The following FRY variants were observed in gnomAD, a reference collection of about 807,000 sequenced individuals.
FRY encodes the protein protein furry homolog.
Under a neutral mutation model 348.4 loss-of-function variants are expected in FRY, and 128 were observed. That is an observed-to-expected ratio of 0.37 (90% CI 0.32 to 0.43). The LOEUF is 0.43. FRY is among the 20% of genes least tolerant of loss of function. The pLI, the probability that FRY is intolerant of heterozygous loss-of-function variation, is 1.00. For missense variants in FRY, 2,736 were observed against 3,695.2 expected, an observed-to-expected ratio of 0.74 and a Z score of 6.73; for synonymous variants, 1,370 against 1,374.7, an observed-to-expected ratio of 1.00 and a Z score of 0.08.
At chr13:32,279,252 C>T (rs1379340211) in intron 58 of FRY, among the ~76,000 whole-genome samples, 2 of 152,180 alleles carry the variant, frequency 1.3e-5, no homozygotes, top group Admixed American at 6.5e-5. Context: ...ATGGGGAGGG[C>T]GGCTCTGGGA....
At chr13:32,205,557 C>T (rs778526253) in intron 31 of FRY, among the ~76,000 whole-genome samples, 1 of 152,178 alleles carries the variant, frequency 6.6e-6, no homozygotes. Flanking sequence ...TAGAGATGGT[C>T]GTGGGCAGAT....
rs1475555902 is a variant in FRY, at chr13:32,267,083, G to T, written c.7947-87G>T. The T allele has an allele frequency of 2.5e-5, 31 of 1,222,046 alleles. No individual in the cohort carries two copies. In the East Asian group the frequency reaches 5.8e-4, roughly 23 times the overall value. The allele number at this position is 1,222,046 out of a possible 1,614,324, so 75.7% of individuals were successfully genotyped here. ...GTGGGTAGAATAGCTACCTCATTTT[G>T]CTGACTCTCAGGGTGAGAATTTATA... is the stretch of plus-strand genomic sequence containing the variant. On this transcript the variant is annotated intron_variant, in intron 54 of 60. Coordinates refer to ENST00000542859, the MANE Select transcript of FRY (RefSeq NM_023037.3).
In FRY at chr13:32,208,896, G is replaced by T. The variant is rs1485357501; in HGVS notation, c.4062G>T (p.Gln1354His). Residue 1354 changes from glutamine (Q) to histidine (H), a missense_variant, in exon 32 of 61, where the codon CAG becomes CAT. Transcript: ENST00000542859. ...RFPTTHPNGRQIMLTYLLPWL... is the reference protein window; with the variant it reads ...RFPTTHPNGRHIMLTYLLPWL... ...CCACAACACACCCCAACGGGCGCCA[G>T]ATCATGCTTACCTACCTGCTGCCCT... The T allele has an allele frequency of 6.2e-7, 1 of 1,614,204 alleles. No individual in the cohort carries two copies. The highest frequency in any genetic ancestry group is 1.1e-5 in the South Asian group (1 of 91,092).
intron 14 of FRY, among the ~76,000 whole-genome samples, chr13:32,153,965 G>A (rs1267511585): frequency 1.3e-5 from 2 of 152,144 alleles, no homozygotes; most frequent in Admixed American, 1.3e-4. Flanking sequence ...CAAAATGTGT[G>A]TACCAAACTA....
At chr13:32,206,864 A>G (rs1240675779) in intron 31 of FRY, among the ~76,000 whole-genome samples, 3 of 152,222 alleles carry the variant, frequency 2.0e-5, no homozygotes, top group Non-Finnish European at 2.9e-5. Context: ...CAAGTGACCT[A>G]ATTATTGTAA....
At chr13:32,054,910 G>A (rs1873540947) in intron 1 of FRY, among the ~76,000 whole-genome samples, 2 of 152,052 alleles carry the variant, frequency 1.3e-5, no homozygotes, top group African/African-American at 4.8e-5. Flanking sequence ...GAAAATAAAA[G>A]ATAAGAAACC....
chr13:32,127,649 C>G lies in FRY; in HGVS notation c.716+2774C>G, dbSNP rs533001806. On this transcript the variant is annotated intron_variant, in intron 7 of 60. Coordinates refer to ENST00000542859, the MANE Select transcript of FRY (RefSeq NM_023037.3). ...AAAATATTAGCTGGGAGTGGTGGCA[C>G]GCACCTGTAATCCCAGCTACTCAGG... Among the ~76,000 whole-genome samples the G allele has an allele frequency of 2.5e-4, 38 of 151,984 alleles. No individual in the cohort carries two copies. The East Asian group carries it at 3.1e-3, about 12-fold the overall frequency.
intron 8 of FRY, among the ~76,000 whole-genome samples, chr13:32,133,595 G>A (rs993805994): frequency 6.6e-6 from 1 of 152,004 alleles, no homozygotes; most frequent in Non-Finnish European, 1.5e-5. Context: ...CCGTACTGGT[G>A]TTGCCTATCT....
intron 17 of FRY, among the ~76,000 whole-genome samples, chr13:32,167,821 T>G (rs1881828510): frequency 6.6e-6 from 1 of 152,140 alleles, no homozygotes; most frequent in Non-Finnish European, 1.5e-5. Context: ...AAACATAAGA[T>G]GGGGAAATGA....
rs1205894711 is a variant in FRY, at chr13:32,228,613, A to C, written c.5364A>C (p.Thr1788=). Residue 1788 remains threonine, a synonymous_variant, in exon 40 of 61, where the codon ACA becomes ACC. Transcript: ENST00000542859. ...AAGATGTGGACACAGCTGCTGAAAC[A>C]GATGAGAAGGCAAACAAGCTCATTG... ...EVEDVDTAAE[T]DEKANKLIEF... 1.2e-6 allele frequency: 2 copies of C among 1,614,166 alleles called. No homozygotes were observed. The highest frequency in any genetic ancestry group is 2.2e-5 in the South Asian group (2 of 91,080).
chr13:32,141,774 T>G (rs1016313635), intron 11 of FRY, among the ~76,000 whole-genome samples: 1 of 152,214 alleles, frequency 6.6e-6, no homozygotes, highest in Non-Finnish European at 1.5e-5. Context: ...TTTAACTAAA[T>G]TAATTAAAAG....
intron 59 of FRY, among the ~76,000 whole-genome samples, chr13:32,292,817 TA>T (rs1171890999): frequency 2.0e-5 from 3 of 151,344 alleles, no homozygotes; most frequent in Non-Finnish European, 4.4e-5. Flanking sequence ...AATAAATAAA[TA>T]AATAAATAAA....
intron 29 of FRY, among the ~76,000 whole-genome samples, chr13:32,201,443 CCTT>C (rs1884025694): frequency 6.6e-6 from 1 of 152,188 alleles, no homozygotes; most frequent in Non-Finnish European, 1.5e-5. Flanking sequence ...TGTAAGCCCT[CCTT>C]AAGGACTGGG....
chr13:32,166,100 T>C (rs368620914), intron 17 of FRY, among the ~76,000 whole-genome samples: 1 of 152,188 alleles, frequency 6.6e-6, no homozygotes, highest in Non-Finnish European at 1.5e-5. Flanking sequence ...CCCAGCTGCC[T>C]GGGAGGGGCA....
intron 47 of FRY, among the ~76,000 whole-genome samples, chr13:32,244,576 G>A (rs1214869346): frequency 6.6e-6 from 1 of 152,218 alleles, no homozygotes; most frequent in African/African-American, 2.4e-5. Context: ...TTCAACATGT[G>A]AAGGATTATT....
rs534596876 is a variant in FRY at position 32,124,484 on chromosome 13, G to T, written c.555+108G>T. ...AATTATTTCTGAATTCCAAATACTGGGTTATATGACTTATGTTTATTGATT... is the reference window on the plus strand; with the variant it reads ...AATTATTTCTGAATTCCAAATACTGTGTTATATGACTTATGTTTATTGATT... On this transcript the variant is annotated intron_variant, in intron 5 of 60. Transcript: ENST00000542859. The T allele has an allele frequency of 6.1e-4, 531 of 863,620 alleles. 5 individuals carry two copies. The African/African-American group carries it at 6.7e-3, about 11-fold the overall frequency. The allele number at this position is 863,620 out of a possible 1,614,324, so 53.5% of individuals were successfully genotyped here.
intron 1 of FRY, among the ~76,000 whole-genome samples, chr13:32,069,659 A>G (rs2138486954): frequency 6.6e-6 from 1 of 152,356 alleles, no homozygotes; most frequent in Middle Eastern, 3.4e-3. Flanking sequence ...AACTTTGAAG[A>G]CATTATGCTA....
At chr13:32,207,755 A>G (rs540713205) in intron 31 of FRY, among the ~76,000 whole-genome samples, 12 of 152,346 alleles carry the variant, frequency 7.9e-5, no homozygotes, top group African/African-American at 2.9e-4. Context: ...AAAGGGCCAA[A>G]TTGATTAAAG....
intron 11 of FRY, among the ~76,000 whole-genome samples, chr13:32,145,537 T>TTTG (rs1566095583): frequency 2.7e-4 from 37 of 135,736 alleles, no homozygotes; most frequent in African/African-American, 1.0e-3. Flanking sequence ...TTTTTTTTTT[T>TTTG]TTTTTTTTTT....
Sources: gnomAD v4.1 joint callset for allele counts (sites outside exome capture counted in the v4.1 genomes callset) on GRCh38, gnomAD v4.1.1 for gene constraint, MANE v1.5 for transcripts, NCBI Gene and HGNC (gene_info 2026-07-23, HGNC 2026-07-21) for gene names.